The following TEKT1 variants were observed in gnomAD, a reference collection of about 807,000 sequenced individuals.
The protein encoded by TEKT1 is tektin-1.
TEKT1 carries 32 observed loss-of-function variants against 34.8 expected under a neutral mutation model. The observed-to-expected ratio is 0.92, with a 90% CI of 0.69 to 1.23. TEKT1 has a LOEUF of 1.23. Among genes scored for constraint, TEKT1 ranks in the 50% most tolerant of loss-of-function variants. The pLI is 0.00. For synonymous variants in TEKT1, 207 were observed against 199.8 expected (o/e 1.04, Z -0.30); for missense variants, 492 against 518.5 (o/e 0.95, Z 0.50).
rs144124187 is a variant in TEKT1 at position 6,818,314 on chromosome 17, G to C, written c.356+879C>G. ...GTGCAGGGTGCACTAGATTATAGGG[G>C]ACTATGCTAACAGCAAGAAGACCTG... is the stretch of plus-strand genomic sequence containing the variant. On this transcript the variant is annotated intron_variant, in intron 3 of 7. Coordinates refer to ENST00000338694, the MANE Select transcript of TEKT1 (RefSeq NM_053285.2). 3.2e-4 allele frequency among the ~76,000 whole-genome samples: 48 copies of C among 152,282 alleles called. No individual in the cohort carries two copies. In the East Asian group the frequency reaches 8.3e-3, roughly 26 times the overall value.
chr17:6,829,916 T>A (rs1904522496), intron 2 of TEKT1, among the ~76,000 whole-genome samples: 1 of 152,188 alleles, frequency 6.6e-6, no homozygotes, highest in East Asian at 1.9e-4. Flanking sequence ...TTCCCTGTGA[T>A]ATGCCTAGTG....
intron 2 of TEKT1, among the ~76,000 whole-genome samples, chr17:6,824,166 A>T (rs1237147840): frequency 6.6e-6 from 1 of 152,026 alleles, no homozygotes; most frequent in African/African-American, 2.4e-5. Context: ...TCATCTGTTT[A>T]TTCTTCCACC....
rs57403103 is a variant in TEKT1, at chr17:6,830,582, G to A, written c.-17-189C>T. ...TACCAGCATCTCTAACCTCCTCCCA[G>A]TTACTCCACCTCAAGCCCCTCAGGG... On this transcript the variant is annotated intron_variant, in intron 1 of 7. Transcript: ENST00000338694. Among the ~76,000 whole-genome samples, 826 of 152,164 alleles carry A rather than the reference G, an allele frequency of 5.4e-3. 13 individuals carry two copies. The highest frequency in any genetic ancestry group is 0.019 in the African/African-American group (790 of 41,504).
chr17:6,810,617 T>C (rs1408620633), intron 6 of TEKT1, among the ~76,000 whole-genome samples: 1 of 152,274 alleles, frequency 6.6e-6, no homozygotes, highest in East Asian at 1.9e-4. Flanking sequence ...GGTGACACAC[T>C]GTATGTGATG....
rs79340831 is a variant in TEKT1 at position 6,810,152 on chromosome 17, G to A, written c.852+2679C>T. Reference sequence around the variant, plus strand: ...CTCCACATCCTCACCAGCATTTGGGGGTGTCAGTGCTTTGGATTTTCTGTA... The same window carrying A: ...CTCCACATCCTCACCAGCATTTGGGAGTGTCAGTGCTTTGGATTTTCTGTA... On this transcript the variant is annotated intron_variant, in intron 6 of 7. Coordinates refer to ENST00000338694, the MANE Select transcript of TEKT1 (RefSeq NM_053285.2). Among the ~76,000 whole-genome samples, 224 of 152,270 alleles carry A rather than the reference G, an allele frequency of 1.5e-3. 5 individuals carry two copies. The East Asian group carries it at 0.039, about 26-fold the overall frequency.
chr17:6,815,895 T>A lies in TEKT1; in HGVS notation c.424A>T (p.Ile142Phe). Residue 142 changes from isoleucine to phenylalanine, a missense_variant, in exon 4 of 8, where the codon ATC becomes TTC. By Grantham distance (21) the Ile-to-Phe change is conservative. Coordinates refer to ENST00000338694, the MANE Select transcript of TEKT1 (RefSeq NM_053285.2). ...VEHELIKEAE[I>F]IQGIMALLTR... The stretch of plus-strand genomic sequence containing the variant: ...AGCAGAGCCATAATGCCCTGGATGA[T>A]CTCAGCCTCCTTTATCAGCTCATGC... 6.2e-7 allele frequency: 1 copy of A among 1,614,174 alleles called. No homozygotes were observed. Among genetic ancestry groups the A allele is most frequent in the Non-Finnish European group, 8.5e-7 (1 of 1,180,018 alleles).
chr17:6,818,029 G>A (rs12103624), intron 3 of TEKT1, among the ~76,000 whole-genome samples: 7,078 of 152,150 alleles, frequency 0.047, 519 homozygotes, highest in African/African-American at 0.16. Flanking sequence ...TAAGCTTATG[G>A]AAGGAACAGG....
intron 6 of TEKT1, among the ~76,000 whole-genome samples, chr17:6,807,340 T>G (rs939787389): frequency 2.0e-5 from 3 of 152,262 alleles, no homozygotes; most frequent in Non-Finnish European, 4.4e-5. Flanking sequence ...AGGACTTCTC[T>G]GCATTGGTTA....
Position 6,826,754 on chromosome 17 carries a change from G to A in TEKT1, c.190+3433C>T, listed in dbSNP as rs191212794. 2.0e-3 allele frequency among the ~76,000 whole-genome samples: 301 copies of A among 151,030 alleles called. 1 individual carries two copies. Among genetic ancestry groups the A allele is most frequent in the African/African-American group, 6.9e-3 (284 of 41,066 alleles). On this transcript the variant is annotated intron_variant, in intron 2 of 7. Coordinates refer to ENST00000338694, the MANE Select transcript of TEKT1 (RefSeq NM_053285.2). ...TCTGTCACCCAGGCTGGAGTGCAGT[G>A]GCACTATCTCACGTCACTGCAAGTT...
At chr17:6,804,088 A>G (rs1976814171) in intron 6 of TEKT1, among the ~76,000 whole-genome samples, 1 of 152,204 alleles carries the variant, frequency 6.6e-6, no homozygotes, top group Non-Finnish European at 1.5e-5. Context: ...CTTCCTACCC[A>G]TGAGCATGGA....
intron 5 of TEKT1, 22 bp from the exon 6 acceptor site, chr17:6,813,075 C>T: frequency 2.5e-6 from 4 of 1,599,212 alleles, no homozygotes; most frequent in Non-Finnish European, 3.4e-6. Context: ...CTCACGCTTT[C>T]ATTCACAGCA....
At chr17:6,806,894 C>T (rs953396459) in intron 6 of TEKT1, among the ~76,000 whole-genome samples, 21 of 152,162 alleles carry the variant, frequency 1.4e-4, no homozygotes, top group Non-Finnish European at 1.5e-5. Context: ...TCTGGCTGCC[C>T]TTAACATTTT....
rs564283110 is a variant in TEKT1 at position 6,812,906 on chromosome 17, C to G, written c.777G>C (p.Val259=). Residue 259 remains valine (V), a synonymous_variant, in exon 6 of 8, where the codon GTG becomes GTC. Transcript: ENST00000338694. The part of the protein sequence containing the change: ...TANDLRKQCD[V]VDTAFKNGLK... The stretch of plus-strand genomic sequence containing the variant: ...GCCCATTCTTGAATGCCGTGTCCAC[C>G]ACATCACACTGCTTGCGCAGATCAT... The G allele has an allele frequency of 6.2e-7, 1 of 1,614,222 alleles. No individual in the cohort carries two copies.
At chr17:6,813,109 G>A (rs1320393118) in intron 5 of TEKT1, 56 bp from the exon 6 acceptor site, 1 of 1,467,438 alleles carries the variant, frequency 6.8e-7, no homozygotes, top group Non-Finnish European at 9.4e-7. Flanking sequence ...GAAGGGGGTT[G>A]GGAGAGAGGG....
In TEKT1 at chr17:6,811,746, C is replaced by T. The variant is rs1976931224; in HGVS notation, c.852+1085G>A. On this transcript the variant is annotated intron_variant, in intron 6 of 7. Coordinates refer to ENST00000338694, the MANE Select transcript of TEKT1 (RefSeq NM_053285.2). The surrounding 1 kb of genome is among the most constrained non-coding windows in gnomAD (Gnocchi z 4.4). ...ACTCCCACCGTGCCGCCTTGGGGCC[C>T]TTCCCCTCTCTGTTTCAGCTTCACC... 6.6e-6 allele frequency among the ~76,000 whole-genome samples: 1 copy of T among 152,148 alleles called. No homozygotes were observed. Among genetic ancestry groups the T allele is most frequent in the African/African-American group, 2.4e-5 (1 of 41,438 alleles).
chr17:6,826,473 T>C (rs1255375737), intron 2 of TEKT1, among the ~76,000 whole-genome samples: 1 of 152,162 alleles, frequency 6.6e-6, no homozygotes, highest in Non-Finnish European at 1.5e-5. Context: ...TTATTGTTTT[T>C]CTTTTCTATG....
At chr17:6,816,074 C>T (rs7207831) in intron 3 of TEKT1, 112 bp from the exon 4 acceptor site, 22,000 of 1,406,576 alleles carry the variant, frequency 0.016, 1,270 homozygotes, top group African/African-American at 0.15. Context: ...GAGTGTCACC[C>T]GATCCATCCG....
intron 2 of TEKT1, among the ~76,000 whole-genome samples, chr17:6,827,136 T>G (rs1210079864): frequency 6.6e-6 from 1 of 152,220 alleles, no homozygotes; most frequent in East Asian, 1.9e-4. Flanking sequence ...CCATGTTTCA[T>G]TGGTCAACAG....
intron 3 of TEKT1, among the ~76,000 whole-genome samples, chr17:6,817,604 T>C (rs1269085621): frequency 1.3e-5 from 2 of 151,962 alleles, no homozygotes; most frequent in Non-Finnish European, 2.9e-5. Flanking sequence ...CACATGTGCT[T>C]CTAGCCAAGA....
Sources: gnomAD v4.1 joint callset for allele counts (sites outside exome capture counted in the v4.1 genomes callset) on GRCh38, gnomAD v4.1.1 for gene constraint, Gnocchi (gnomAD v3.1) non-coding constraint, MANE v1.5 for transcripts, NCBI Gene and HGNC (gene_info 2026-07-23, HGNC 2026-07-21) for gene names.